The following RFX4 variants were observed in gnomAD, a reference collection of about 807,000 sequenced individuals.
RFX4 encodes the protein regulatory factor X4, also known as transcription factor RFX4.
In RFX4, 10 loss-of-function variants were observed where a neutral mutation model predicts 95.0. The observed-to-expected ratio is 0.11, with a 90% CI of 0.06 to 0.18. The LOEUF (loss-of-function observed/expected upper bound fraction) is 0.18. RFX4 is among the 10% of genes least tolerant of loss of function. The pLI, the probability that RFX4 is intolerant of heterozygous loss-of-function variation, is 1.00. For missense variants in RFX4, 640 were observed against 922.0 expected (o/e 0.69, Z 3.96); for synonymous variants, 321 against 340.7 (o/e 0.94, Z 0.64).
At chr12:106,752,651 G>A (rs956666338) in intron 17 of RFX4, among the ~76,000 whole-genome samples, 13 of 152,086 alleles carry the variant, frequency 8.5e-5, no homozygotes, top group Non-Finnish European at 1.6e-4. Flanking sequence ...GGGGTGTCCC[G>A]TGTCTGCTCT....
At chr12:106,609,934 T>C (rs1007835773) in intron 2 of RFX4, among the ~76,000 whole-genome samples, 3 of 152,172 alleles carry the variant, frequency 2.0e-5, no homozygotes, top group Non-Finnish European at 4.4e-5. Flanking sequence ...CTCTGTATTC[T>C]TTTGTGTGTA....
At chr12:106,757,524 G>A (rs372792335) in intron 17 of RFX4, among the ~76,000 whole-genome samples, 3 of 151,070 alleles carry the variant, frequency 2.0e-5, no homozygotes, top group Non-Finnish European at 4.4e-5. Context: ...CTCCAGCCTG[G>A]GTGACAGGGC....
At position 106,690,327 on chromosome 12, in the gene RFX4, C is replaced by T. The variant is rs370707114; in HGVS notation, c.669+963C>T. Among the ~76,000 whole-genome samples, 39 of 152,236 alleles carry T rather than the reference C, an allele frequency of 2.6e-4. No individual in the cohort carries two copies. The South Asian group carries it at 7.9e-3, about 31-fold the overall frequency. On this transcript the variant is annotated intron_variant, in intron 7 of 17. Transcript: ENST00000392842. ...TTCTAAAATGTACTTTAAAATGTCCCAAATTACTTGAGCAATAATTTCAGT... is the reference window on the plus strand; with the variant it reads ...TTCTAAAATGTACTTTAAAATGTCCTAAATTACTTGAGCAATAATTTCAGT...
At chr12:106,734,841 T>G (rs559094912) in intron 15 of RFX4, among the ~76,000 whole-genome samples, 56 of 152,106 alleles carry the variant, frequency 3.7e-4, no homozygotes, top group Non-Finnish European at 7.1e-4. Flanking sequence ...TGGAAGGATG[T>G]TTTGAAGCCA....
In RFX4 at chr12:106,753,737, G is replaced by A. The variant is rs563546205; in HGVS notation, c.1935+2944G>A. On this transcript the variant is annotated intron_variant, in intron 17 of 17. Transcript: ENST00000392842. Reference sequence around the variant, plus strand: ...AAGCTCTCAGGCACCACCCCCTGCCGCCTCTCAGATGCAGGCATTCACTAA... The same window carrying A: ...AAGCTCTCAGGCACCACCCCCTGCCACCTCTCAGATGCAGGCATTCACTAA... Among the ~76,000 whole-genome samples the A allele has an allele frequency of 1.4e-4, 22 of 152,288 alleles. No homozygotes were observed. The East Asian group carries it at 1.9e-3, about 13-fold the overall frequency.
chr12:106,618,339 T>A (rs1018990390), intron 2 of RFX4, among the ~76,000 whole-genome samples: 1 of 152,154 alleles, frequency 6.6e-6, no homozygotes, highest in African/African-American at 2.4e-5. Flanking sequence ...TCTCAGTTAC[T>A]ATGACAGGTA....
chr12:106,637,704 T>C (rs1372356305), intron 2 of RFX4, among the ~76,000 whole-genome samples: 1 of 152,150 alleles, frequency 6.6e-6, no homozygotes, highest in Non-Finnish European at 1.5e-5. Context: ...TTATATGTAT[T>C]TCTCAGTAAA....
chr12:106,700,574 T>G (rs2041968936), intron 8 of RFX4, among the ~76,000 whole-genome samples: 1 of 151,220 alleles, frequency 6.6e-6, no homozygotes, highest in Admixed American at 6.6e-5. Context: ...GCCCGGCTAA[T>G]TTTTTGTATT....
At chr12:106,613,341 T>G (rs901479649) in intron 2 of RFX4, among the ~76,000 whole-genome samples, 1 of 150,822 alleles carries the variant, frequency 6.6e-6, no homozygotes, top group African/African-American at 2.4e-5. Flanking sequence ...TGTTTGTTAG[T>G]ATTTTGCTGA....
intron 1 of RFX4, among the ~76,000 whole-genome samples, chr12:106,597,580 A>G (rs1365337499): frequency 6.6e-6 from 1 of 152,240 alleles, no homozygotes; most frequent in East Asian, 1.9e-4. Flanking sequence ...TTTACAGATG[A>G]AGAACCGAAG....
At chr12:106,669,916 G>A (rs2041250875) in intron 4 of RFX4, among the ~76,000 whole-genome samples, 1 of 144,944 alleles carries the variant, frequency 6.9e-6, no homozygotes, top group Non-Finnish European at 1.5e-5. Context: ...AAACTCTTTG[G>A]GTTTGAATTT....
intron 8 of RFX4, among the ~76,000 whole-genome samples, chr12:106,707,237 G>A (rs1183802911): frequency 6.6e-6 from 1 of 152,050 alleles, no homozygotes; most frequent in Admixed American, 6.6e-5. Context: ...CTGAAATAGA[G>A]GACACAAGAA....
intron 15 of RFX4, among the ~76,000 whole-genome samples, chr12:106,740,412 C>T (rs1471829000): frequency 6.6e-6 from 1 of 152,132 alleles, no homozygotes; most frequent in African/African-American, 2.4e-5. Flanking sequence ...CTAGTGAATT[C>T]CTCCTTCTTT....
intron 1 of RFX4, among the ~76,000 whole-genome samples, chr12:106,598,504 G>C (rs2039652162): frequency 6.6e-6 from 1 of 152,200 alleles, no homozygotes; most frequent in Non-Finnish European, 1.5e-5. Flanking sequence ...TACCGGGTTA[G>C]AGTGGTGGGA....
chr12:106,733,987 A>G (rs1334211668), intron 15 of RFX4, among the ~76,000 whole-genome samples: 1 of 152,228 alleles, frequency 6.6e-6, no homozygotes, highest in Admixed American at 6.5e-5. Context: ...AATACTATTG[A>G]ACCTTGGAAA....
At chr12:106,601,523 T>C (rs1565945646) in intron 1 of RFX4, among the ~76,000 whole-genome samples, 1 of 152,234 alleles carries the variant, frequency 6.6e-6, no homozygotes, top group Admixed American at 6.5e-5. Flanking sequence ...AGACTGTTGA[T>C]ATAGTGTGAA....
chr12:106,614,457 C>T (rs1423287586), intron 2 of RFX4, among the ~76,000 whole-genome samples: 1 of 149,686 alleles, frequency 6.7e-6, no homozygotes, highest in Non-Finnish European at 1.5e-5. Context: ...CTGTGCCCGG[C>T]CCTTCTTCAC....
intron 15 of RFX4, among the ~76,000 whole-genome samples, chr12:106,747,055 G>A (rs2042909578): frequency 6.6e-6 from 1 of 152,190 alleles, no homozygotes; most frequent in South Asian, 2.1e-4. Context: ...AATGGGTGTA[G>A]GATTACAAAT....
intron 7 of RFX4, among the ~76,000 whole-genome samples, chr12:106,690,201 C>T (rs1331861015): frequency 6.6e-6 from 1 of 152,164 alleles, no homozygotes. Flanking sequence ...TTGTTGAGCA[C>T]TTCCACTATC....
Sources: allele counts gnomAD v4.1 joint callset (sites outside exome capture counted in the v4.1 genomes callset), GRCh38; gene constraint gnomAD v4.1.1; transcripts MANE v1.5; gene names NCBI Gene and HGNC (gene_info 2026-07-23, HGNC 2026-07-21).